Variants in PCCA observed in about 807,000 individuals in gnomAD.
PCCA encodes propionyl-CoA carboxylase alpha chain, mitochondrial.
A neutral mutation model predicts 101.3 loss-of-function variants in PCCA; 74 were observed. That is an observed-to-expected ratio of 0.73 (90% CI 0.61 to 0.89). PCCA has a LOEUF of 0.89. PCCA is among the 40% of genes least tolerant of loss of function. PCCA has a pLI of 0.00. For missense variants in PCCA, 891 were observed against 907.0 expected (o/e 0.98, Z 0.23); for synonymous variants, 294 against 313.6 (o/e 0.94, Z 0.66).
chr13:100,253,854 ATTTT>A (rs71114677), intron 8 of PCCA, among the ~76,000 whole-genome samples: 5 of 138,376 alleles, frequency 3.6e-5, no homozygotes, highest in Admixed American at 1.4e-4. Context: ...CTAGAGCCTG[ATTTT>A]TTTTTTTTTT....
chr13:100,402,731 T>G (rs1485651753), intron 19 of PCCA, among the ~76,000 whole-genome samples: 1 of 151,946 alleles, frequency 6.6e-6, no homozygotes, highest in Non-Finnish European at 1.5e-5. Flanking sequence ...GGGTGGGTGG[T>G]ATTGGTAGGG....
At chr13:100,334,110 A>C (rs1490488810) in intron 17 of PCCA, among the ~76,000 whole-genome samples, 3 of 152,170 alleles carry the variant, frequency 2.0e-5, no homozygotes, top group Non-Finnish European at 4.4e-5. Context: ...CAACAACAAC[A>C]ACAAAACACC....
At chr13:100,196,995 C>T (rs887472447) in intron 6 of PCCA, among the ~76,000 whole-genome samples, 5 of 152,110 alleles carry the variant, frequency 3.3e-5, no homozygotes, top group African/African-American at 1.2e-4. Context: ...GTTGATGCCC[C>T]ACAGTCAATG....
chr13:100,168,224 C>T (rs907773568), intron 6 of PCCA, among the ~76,000 whole-genome samples: 2 of 152,166 alleles, frequency 1.3e-5, no homozygotes, highest in African/African-American at 4.8e-5. Context: ...TTGCTCCAGT[C>T]ATTAACAGTA....
At chr13:100,435,194 T>TGGGGAGGGAGGCCTCA (rs1452270830) in intron 20 of PCCA, among the ~76,000 whole-genome samples, 1 of 152,160 alleles carries the variant, frequency 6.6e-6, no homozygotes, top group Non-Finnish European at 1.5e-5. Flanking sequence ...GCTCAGCTTC[T>TGGGGAGGGAGGCCTCA]GGGGAGGGAG....
intron 6 of PCCA, among the ~76,000 whole-genome samples, chr13:100,188,060 C>T (rs774583880): frequency 5.9e-5 from 9 of 152,054 alleles, no homozygotes; most frequent in Admixed American, 1.3e-4. Flanking sequence ...TTTGGGAGGC[C>T]GAGGTGGGCG....
chr13:100,440,981 G>A (rs1178723111), intron 20 of PCCA, among the ~76,000 whole-genome samples: 1 of 152,152 alleles, frequency 6.6e-6, no homozygotes, highest in Non-Finnish European at 1.5e-5. Flanking sequence ...CAGCTGGGAT[G>A]TATTTACAGC....
rs1347723645 is a variant in PCCA at position 100,328,371 on chromosome 13, T to TATTATA, written c.1430-2188_1430-2187insTATAAT. Among the ~76,000 whole-genome samples the TATTATA allele has an allele frequency of 5.4e-3, 769 of 141,854 alleles. 7 individuals carry two copies. The highest frequency in any genetic ancestry group is 0.019 in the African/African-American group (730 of 38,258). The allele number at this position is 141,854 out of a possible 152,430, so 93.1% of individuals were successfully genotyped here. ...GAGTGAGACCCTGTCTCAAAAAATATATAATAATAATAATAATAATAATAA... is the reference window on the plus strand; with the variant it reads ...GAGTGAGACCCTGTCTCAAAAAATATATTATAATAATAATAATAATAATAATAATAA... On this transcript the variant is annotated intron_variant, in intron 16 of 23. Transcript: ENST00000376285.
intron 7 of PCCA, among the ~76,000 whole-genome samples, chr13:100,214,387 C>A (rs1325870791): frequency 1.3e-5 from 2 of 151,282 alleles, no homozygotes; most frequent in Non-Finnish European, 2.9e-5. Context: ...TTTTCAATTT[C>A]TCGCATCAAC....
At chr13:100,357,658 C>T (rs181907442) in intron 18 of PCCA, among the ~76,000 whole-genome samples, 27 of 152,290 alleles carry the variant, frequency 1.8e-4, no homozygotes, top group African/African-American at 5.5e-4. Flanking sequence ...TGAAGGCTGT[C>T]GATGTACAAC....
In PCCA at chr13:100,482,557, C is replaced by T. The variant is rs1423488627; in HGVS notation, c.1900-32870C>T. ...GGAGCTGCTAACCCACTTAGAAATA[C>T]TCTTATTGACATAACAAGGTTTTTT... On this transcript the variant is annotated intron_variant, in intron 21 of 23. Coordinates refer to ENST00000376285, the MANE Select transcript of PCCA (RefSeq NM_000282.4). Among the ~76,000 whole-genome samples, 3 of 152,184 alleles carry T rather than the reference C, an allele frequency of 2.0e-5. No individual in the cohort carries two copies. In the East Asian group the frequency reaches 5.8e-4, roughly 29 times the overall value.
chr13:100,091,769 T>A (rs1396537269), intron 1 of PCCA, among the ~76,000 whole-genome samples: 1 of 151,908 alleles, frequency 6.6e-6, no homozygotes, highest in Non-Finnish European at 1.5e-5. Flanking sequence ...CCTTTTAGTC[T>A]TATTTGTTTT....
chr13:100,281,420 T>C (rs549932777), intron 12 of PCCA, among the ~76,000 whole-genome samples: 1 of 152,368 alleles, frequency 6.6e-6, no homozygotes, highest in South Asian at 2.1e-4. Context: ...AAAAGTGTTC[T>C]AATTGACAGC....
intron 4 of PCCA, among the ~76,000 whole-genome samples, chr13:100,112,773 A>C (rs1472090178): frequency 6.6e-6 from 1 of 152,014 alleles, no homozygotes; most frequent in Non-Finnish European, 1.5e-5. Flanking sequence ...ACAGGGTTTC[A>C]CCAAGTTGGC....
intron 21 of PCCA, among the ~76,000 whole-genome samples, chr13:100,470,468 C>T (rs1274972310): frequency 1.3e-5 from 2 of 152,066 alleles, no homozygotes. Context: ...CATCTTCTAT[C>T]CTTGGGTTTA....
At position 100,316,143 on chromosome 13, in the gene PCCA, G is replaced by C. The variant is rs181288379; in HGVS notation, c.1429+6235G>C. The stretch of plus-strand genomic sequence containing the variant: ...GGGAACAGTTAGTCGAGGCATAGAT[G>C]TTTGTTGTCTGCCATGAGCCATTAT... On this transcript the variant is annotated intron_variant, in intron 16 of 23. Coordinates refer to ENST00000376285, the MANE Select transcript of PCCA (RefSeq NM_000282.4). Among the ~76,000 whole-genome samples, 520 of 152,224 alleles carry C rather than the reference G, an allele frequency of 3.4e-3. 8 individuals are homozygous for C. The highest frequency in any genetic ancestry group is 0.012 in the African/African-American group (505 of 41,524).
chr13:100,454,173 CAA>C (rs547441392), intron 21 of PCCA, among the ~76,000 whole-genome samples: 2 of 137,612 alleles, frequency 1.5e-5, no homozygotes, highest in Non-Finnish European at 3.2e-5. Context: ...CGCACCTGGC[CAA>C]AAAAAAAAAG....
intron 21 of PCCA, among the ~76,000 whole-genome samples, chr13:100,467,616 C>T (rs1453472514): frequency 2.0e-5 from 3 of 152,184 alleles, no homozygotes; most frequent in Admixed American, 6.5e-5. Context: ...ATGATCCACC[C>T]GCCTTGGCCT....
chr13:100,127,506 T>C (rs951889609), intron 4 of PCCA, among the ~76,000 whole-genome samples: 2 of 152,230 alleles, frequency 1.3e-5, no homozygotes, highest in Non-Finnish European at 2.9e-5. Flanking sequence ...CCTGCTGTTA[T>C]GAAAAAGCAC....
Sources: allele counts gnomAD v4.1 joint callset (sites outside exome capture counted in the v4.1 genomes callset), GRCh38; gene constraint gnomAD v4.1.1; transcripts MANE v1.5; gene names NCBI Gene and HGNC (gene_info 2026-07-23, HGNC 2026-07-21).